LARGE1: variants seen among roughly 807,000 people sequenced by gnomAD.
LARGE1 encodes LARGE xylosyl- and glucuronyltransferase 1.
Under a neutral mutation model 87.6 loss-of-function variants are expected in LARGE1, and 43 were observed. The ratio of observed to expected loss-of-function variants is 0.49; its 90% CI spans 0.38 to 0.63. The LOEUF (loss-of-function observed/expected upper bound fraction) is 0.63, where lower values mean the gene tolerates loss of function less well. Ranked by LOEUF, LARGE1 falls within the 30% of genes least tolerant of loss-of-function variation. The pLI is 0.00. For missense variants in LARGE1, 802 were observed against 1,000.2 expected (o/e 0.80, Z 2.67); for synonymous variants, 434 against 394.6 (o/e 1.10, Z -1.18).
chr22:33,355,818 T>G (rs1314929944), intron 9 of LARGE1, among the ~76,000 whole-genome samples: 1 of 152,184 alleles, frequency 6.6e-6, no homozygotes, highest in South Asian at 2.1e-4. Context: ...AATTGTGTTC[T>G]TCTTAATAGA....
chr22:33,603,668 G>C (rs1248946806), intron 5 of LARGE1, among the ~76,000 whole-genome samples: 2 of 152,168 alleles, frequency 1.3e-5, no homozygotes, highest in African/African-American at 4.8e-5. Context: ...GGGGCAAAGG[G>C]AACCAGAGGT....
At chr22:33,100,874 T>A in the LARGE1 span, among the ~76,000 whole-genome samples, 1 of 151,266 alleles carries the variant, frequency 6.6e-6, no homozygotes. Context: ...AGTTTCGCTC[T>A]TGTTGCCCAG....
chr22:33,818,369 C>G (rs1446599832), intron 1 of LARGE1, among the ~76,000 whole-genome samples: 1 of 152,128 alleles, frequency 6.6e-6, no homozygotes, highest in African/African-American at 2.4e-5. Flanking sequence ...GGATGTCTTT[C>G]CAGAGCCTGA....
At chr22:33,154,033 T>C in the LARGE1 span, among the ~76,000 whole-genome samples, 1 of 152,306 alleles carries the variant, frequency 6.6e-6, no homozygotes, top group East Asian at 1.9e-4. Context: ...GTCATATTCC[T>C]CTATTGGTTG....
intron 5 of LARGE1, among the ~76,000 whole-genome samples, chr22:33,583,588 C>T (rs764901592): frequency 7.9e-5 from 12 of 152,210 alleles, no homozygotes; most frequent in Non-Finnish European, 1.5e-4. Context: ...AGAAATTTAA[C>T]AACGCCTATC....
intron 7 of LARGE1, among the ~76,000 whole-genome samples, chr22:33,405,254 G>A (rs1038734687): frequency 6.6e-6 from 1 of 152,176 alleles, no homozygotes; most frequent in South Asian, 2.1e-4. Context: ...CTGTGTCATT[G>A]TATCATGGCC....
intron 1 of LARGE1, among the ~76,000 whole-genome samples, chr22:33,866,632 T>C (rs2064111731): frequency 1.3e-5 from 2 of 152,176 alleles, no homozygotes; most frequent in African/African-American, 4.8e-5. Flanking sequence ...ATAATAAGGA[T>C]TATCTGCTCT....
chr22:33,785,287 A>C (rs1171464307), intron 1 of LARGE1, among the ~76,000 whole-genome samples: 1 of 151,892 alleles, frequency 6.6e-6, no homozygotes, highest in Non-Finnish European at 1.5e-5. Flanking sequence ...ATATATACGT[A>C]TATATGTGTA....
chr22:33,098,793 C>T, the LARGE1 span, among the ~76,000 whole-genome samples: 1 of 152,258 alleles, frequency 6.6e-6, no homozygotes, highest in Non-Finnish European at 1.5e-5. Context: ...AATCCCACCC[C>T]ACACCGCACC....
chr22:33,191,716 T>C (rs574853425), intron 11 of LARGE1, among the ~76,000 whole-genome samples: 1 of 152,352 alleles, frequency 6.6e-6, no homozygotes, highest in Non-Finnish European at 1.5e-5. Flanking sequence ...ACAGGGTTTC[T>C]AGAAGGGTCA....
intron 11 of LARGE1, among the ~76,000 whole-genome samples, chr22:33,201,095 G>A (rs1325699186): frequency 2.0e-5 from 3 of 152,118 alleles, no homozygotes; most frequent in African/African-American, 7.2e-5. Context: ...GATCACTTGA[G>A]GTCAGGAGTT....
At chr22:33,294,041 T>C (rs758979981) in intron 12 of LARGE1, among the ~76,000 whole-genome samples, 2 of 152,224 alleles carry the variant, frequency 1.3e-5, no homozygotes, top group African/African-American at 2.4e-5. Flanking sequence ...TACTCTCTCT[T>C]TTCTCACCAG....
At chr22:33,229,538 A>G (rs1925900946) in intron 11 of LARGE1, among the ~76,000 whole-genome samples, 1 of 152,188 alleles carries the variant, frequency 6.6e-6, no homozygotes, top group Non-Finnish European at 1.5e-5. Flanking sequence ...GATTAGATAC[A>G]GCCGAAAAGA....
chr22:33,098,656 T>C, the LARGE1 span, among the ~76,000 whole-genome samples: 1 of 152,092 alleles, frequency 6.6e-6, no homozygotes, highest in African/African-American at 2.4e-5. Flanking sequence ...AAATATAGTA[T>C]GTTTTTGGCA....
chr22:33,640,827 C>CGGCAT (rs2080406754), intron 3 of LARGE1, among the ~76,000 whole-genome samples: 2 of 152,168 alleles, frequency 1.3e-5, no homozygotes, highest in South Asian at 4.1e-4. Flanking sequence ...GAACTCATGA[C>CGGCAT]GGCATGGCAA....
At chr22:33,872,518 C>G (rs983135131) in intron 1 of LARGE1, among the ~76,000 whole-genome samples, 3 of 152,054 alleles carry the variant, frequency 2.0e-5, no homozygotes, top group African/African-American at 7.2e-5. Flanking sequence ...CCACCAACAC[C>G]GCCACCCCCC....
rs559479145 is a variant in LARGE1, at chr22:33,698,328, CCTCA to C, written c.107-47664_107-47661del. On this transcript the variant is annotated intron_variant, in intron 2 of 14. Coordinates refer to ENST00000397394, the MANE Select transcript of LARGE1 (RefSeq NM_133642.5). ...GCCTCAAGCGATCTGCCCGCCTTAG[CCTCA>C]CTCAGTCACCCAGGCTGGAGTGCAG... Among the ~76,000 whole-genome samples, 18 of 143,292 alleles carry C rather than the reference CCTCA, an allele frequency of 1.3e-4. No individual in the cohort carries two copies. The East Asian group carries it at 3.3e-3, about 26-fold the overall frequency. 94.0% of individuals were successfully genotyped at this position (143,292 alleles called of 152,430 possible).
chr22:33,577,681 T>C (rs1013878677), intron 5 of LARGE1, among the ~76,000 whole-genome samples: 1 of 152,214 alleles, frequency 6.6e-6, no homozygotes, highest in African/African-American at 2.4e-5. Flanking sequence ...CTTTAGCACT[T>C]TGTAGGTGAC....
At chr22:33,395,689 A>G (rs2065716347) in intron 7 of LARGE1, among the ~76,000 whole-genome samples, 1 of 152,124 alleles carries the variant, frequency 6.6e-6, no homozygotes, top group Admixed American at 6.5e-5. Flanking sequence ...GAAAGTAGGG[A>G]CCAAAGTGCC....
Sources: gnomAD v4.1 joint callset for allele counts (sites outside exome capture counted in the v4.1 genomes callset) on GRCh38, gnomAD v4.1.1 for gene constraint, MANE v1.5 for transcripts, NCBI Gene and HGNC (gene_info 2026-07-23, HGNC 2026-07-21) for gene names.